Variants in HHIP observed in about 807,000 individuals in gnomAD.
The protein encoded by HHIP is hedgehog interacting protein, also known as hedgehog-interacting protein.
In HHIP, 12 loss-of-function variants were observed where a neutral mutation model predicts 74.0. The ratio of observed to expected loss-of-function variants is 0.16; its 90% CI spans 0.10 to 0.26. The LOEUF is 0.26. HHIP is among the 10% of genes least tolerant of loss of function. The pLI, the probability that HHIP is intolerant of heterozygous loss-of-function variation, is 1.00. For missense variants in HHIP, 788 were observed against 845.0 expected, an observed-to-expected ratio of 0.93 and a Z score of 0.84; for synonymous variants, 309 against 311.6, an observed-to-expected ratio of 0.99 and a Z score of 0.09.
Position 144,738,470 on chromosome 4 carries a change from T to G in HHIP, c.*513T>G. ...TCTAAGTGAGCAACTTGATATAAAA[T>G]TGTAATCTTCATTTTTGTCAGTGTA... is the stretch of plus-strand genomic sequence containing the variant. On this transcript the variant is annotated 3_prime_UTR_variant, in exon 13 of 13. Coordinates refer to ENST00000296575, the MANE Select transcript of HHIP (RefSeq NM_022475.3). The G allele has an allele frequency of 2.8e-5, 27 of 981,802 alleles. No homozygotes were observed. The highest frequency in any genetic ancestry group is 3.1e-5 in the Non-Finnish European group (26 of 826,272). The allele number at this position is 981,802 out of a possible 1,614,324, so 60.8% of individuals were successfully genotyped here.
chr4:144,667,046 GGGGTTGAAACAGT>G (rs1201972051), intron 4 of HHIP, among the ~76,000 whole-genome samples: 79 of 152,244 alleles, frequency 5.2e-4, no homozygotes, highest in African/African-American at 1.8e-3. Context: ...AATACACCCT[GGGGTTGAAACAGT>G]CCCTCATAAA....
chr4:144,703,130 C>T lies in HHIP; in HGVS notation c.832-3401C>T, dbSNP rs1419165250. Among the ~76,000 whole-genome samples the T allele has an allele frequency of 2.0e-5, 3 of 151,744 alleles. No individual in the cohort carries two copies. The East Asian group carries it at 5.8e-4, about 29-fold the overall frequency. On this transcript the variant is annotated intron_variant, in intron 4 of 12. Coordinates refer to ENST00000296575, the MANE Select transcript of HHIP (RefSeq NM_022475.3). ...CCGGGAGGCTGAGGCAGGAGAATCA[C>T]TTGAACCCAGGAGACGGAGATTGCA...
chr4:144,667,257 G>A (rs886731185), intron 4 of HHIP, among the ~76,000 whole-genome samples: 1 of 152,128 alleles, frequency 6.6e-6, no homozygotes, highest in African/African-American at 2.4e-5. Context: ...GGCTCAGCGA[G>A]AGGATCCCTT....
chr4:144,654,698 T>C (rs1728515384), intron 2 of HHIP, among the ~76,000 whole-genome samples: 1 of 152,182 alleles, frequency 6.6e-6, no homozygotes, highest in Non-Finnish European at 1.5e-5. Context: ...CACAGAAGTG[T>C]CTTTACAATT....
Position 144,734,756 on chromosome 4 carries a change from G to T in HHIP, c.1776G>T (p.Glu592Asp). Residue 592 changes from glutamate to aspartate, a missense_variant, in exon 12 of 13, where the codon GAG becomes GAT. Physicochemically the swap from Glu to Asp is conservative, Grantham distance 45. Around this residue, in one of 3 missense-constraint regions of HHIP, gnomAD observed 343 missense variants for 347.9 expected, o/e 0.99. Coordinates refer to ENST00000296575, the MANE Select transcript of HHIP (RefSeq NM_022475.3). Reference sequence around the variant, plus strand: ...TTTAATGTAGACCTTTAATGCCTGAGGAATGCAGAGCCACGGTACAACCTG... The same window carrying T: ...TTTAATGTAGACCTTTAATGCCTGATGAATGCAGAGCCACGGTACAACCTG... ...IVDPKRPLMPEECRATVQPAQ... is the reference protein window; with the variant it reads ...IVDPKRPLMPDECRATVQPAQ... The T allele has an allele frequency of 6.3e-7, 1 of 1,590,872 alleles. No homozygotes were observed. Among genetic ancestry groups the T allele is most frequent in the East Asian group, 2.3e-5 (1 of 44,428 alleles).
chr4:144,698,800 T>C (rs550731533), intron 4 of HHIP, among the ~76,000 whole-genome samples: 12 of 152,274 alleles, frequency 7.9e-5, no homozygotes, highest in Admixed American at 5.2e-4. Context: ...AAACAAGATA[T>C]TTTATGTCTT....
chr4:144,707,059 A>T (rs1437581147), intron 5 of HHIP, 28 bp from the exon 6 acceptor site: 1 of 1,597,726 alleles, frequency 6.3e-7, no homozygotes, highest in Non-Finnish European at 8.6e-7. Flanking sequence ...TTTAACAGTC[A>T]TGGTATTGTT....
chr4:144,714,649 A>G (rs1560717020), intron 9 of HHIP, among the ~76,000 whole-genome samples: 1 of 152,148 alleles, frequency 6.6e-6, no homozygotes, highest in Non-Finnish European at 1.5e-5. Context: ...TAAATTTACC[A>G]TGACAATAAA....
At chr4:144,707,006 C>T in intron 5 of HHIP, 81 bp from the exon 6 acceptor site, 2 of 1,199,448 alleles carry the variant, frequency 1.7e-6, no homozygotes, top group Admixed American at 2.0e-5. Context: ...TTTGTTTTTT[C>T]ATTTATATAC....
intron 4 of HHIP, among the ~76,000 whole-genome samples, chr4:144,701,466 G>A (rs1183185317): frequency 6.6e-6 from 1 of 151,818 alleles, no homozygotes; most frequent in East Asian, 1.9e-4. Flanking sequence ...TAACAGTGTA[G>A]CATTGTTCAT....
In HHIP at chr4:144,693,549, A is replaced by C. The variant is rs142297983; in HGVS notation, c.832-12982A>C. Among the ~76,000 whole-genome samples, 651 of 152,194 alleles carry C rather than the reference A, an allele frequency of 4.3e-3. 6 individuals carry two copies. Among genetic ancestry groups the C allele is most frequent in the African/African-American group, 0.015 (614 of 41,560 alleles). On this transcript the variant is annotated intron_variant, in intron 4 of 12. Coordinates refer to ENST00000296575, the MANE Select transcript of HHIP (RefSeq NM_022475.3). Reference sequence around the variant, plus strand: ...AAAATAAATCCTCATGTATTTAAATAAGGTTATTTGTACTCCTCAGAGTTT... The same window carrying C: ...AAAATAAATCCTCATGTATTTAAATCAGGTTATTTGTACTCCTCAGAGTTT...
Position 144,652,713 on chromosome 4 carries a change from G to A in HHIP, c.388G>A (p.Val130Ile). ...CCTGTTCCACTCACCTGAGAGAGAA[G>A]TCTTGGAAAGAGACCTAGTACTTCC... ...QSLFHSPEREVLERDLVLPLL... is the reference protein window; with the variant it reads ...QSLFHSPEREILERDLVLPLL... Residue 130 changes from valine to isoleucine, a missense_variant, in exon 2 of 13, where the codon GTC becomes ATC. Val to Ile is a conservative substitution (Grantham distance 29, BLOSUM62 3). Transcript: ENST00000296575. 1 of 1,612,896 alleles carries A rather than the reference G, an allele frequency of 6.2e-7. No homozygotes were observed. The highest frequency in any genetic ancestry group is 8.5e-7 in the Non-Finnish European group (1 of 1,179,034).
At chr4:144,646,994 T>G (rs767475283) in intron 1 of HHIP, 40 bp downstream of exon 1, 1 of 1,539,338 alleles carries the variant, frequency 6.5e-7, no homozygotes, top group South Asian at 1.3e-5. Context: ...ACTTGGCATA[T>G]TGGCTGGGTG....
intron 4 of HHIP, among the ~76,000 whole-genome samples, chr4:144,666,891 G>A (rs1307890760): frequency 6.6e-6 from 1 of 152,164 alleles, no homozygotes; most frequent in Non-Finnish European, 1.5e-5. Context: ...ACAATAAAAG[G>A]TCACACCTAA....
chr4:144,684,437 T>C (rs1282880907), intron 4 of HHIP, among the ~76,000 whole-genome samples: 2 of 150,752 alleles, frequency 1.3e-5, no homozygotes, highest in African/African-American at 4.9e-5. Context: ...TTTTTTATTT[T>C]TATTTTTTAT....
chr4:144,647,779 G>C (rs1238413837), intron 1 of HHIP, among the ~76,000 whole-genome samples: 1 of 152,132 alleles, frequency 6.6e-6, no homozygotes, highest in African/African-American at 2.4e-5. Context: ...TGCAGTCATG[G>C]GTGGTATCTA....
chr4:144,670,110 C>T (rs1728991280), intron 4 of HHIP, among the ~76,000 whole-genome samples: 1 of 150,304 alleles, frequency 6.7e-6, no homozygotes, highest in South Asian at 2.1e-4. Context: ...CACCACAGCA[C>T]TCCAGCCTGG....
intron 11 of HHIP, among the ~76,000 whole-genome samples, chr4:144,729,085 A>G (rs1196577449): frequency 6.6e-6 from 1 of 152,174 alleles, no homozygotes; most frequent in Non-Finnish European, 1.5e-5. Flanking sequence ...CCTTTGAGAA[A>G]GGCACTAAAA....
rs769916061 is a variant in HHIP, at chr4:144,741,781, C to A, written c.*3824C>A. ...TACATCTAGGAGCATTCAAGATATA[C>A]ATTAATTTAAACTTTTATTAGTCTA... On this transcript the variant is annotated 3_prime_UTR_variant, in exon 13 of 13. Transcript: ENST00000296575. The A allele has an allele frequency of 6.6e-6, 1 of 152,204 alleles. No individual in the cohort carries two copies. The allele number at this position is 152,204 out of a possible 1,614,324, so 9.4% of individuals were successfully genotyped here. A position where few individuals can be genotyped will look rare whatever the true frequency, so the allele number is the denominator to read the frequency against.
Sources: allele counts gnomAD v4.1 joint callset (sites outside exome capture counted in the v4.1 genomes callset), GRCh38; gene constraint gnomAD v4.1.1; regional missense constraint gnomAD v4.1.1; transcripts MANE v1.5; gene names NCBI Gene and HGNC (gene_info 2026-07-23, HGNC 2026-07-21).